LRRTM4: variants seen among roughly 807,000 people sequenced by gnomAD.
LRRTM4 encodes leucine-rich repeat transmembrane neuronal protein 4.
Under a neutral mutation model 47.6 loss-of-function variants are expected in LRRTM4, and 25 were observed. The ratio of observed to expected loss-of-function variants is 0.53; its 90% CI spans 0.38 to 0.73. The LOEUF (loss-of-function observed/expected upper bound fraction) is 0.73. Among genes scored for constraint, LRRTM4 ranks in the 30% least tolerant of loss-of-function variants. The pLI is 0.00. For missense variants in LRRTM4, 638 were observed against 713.4 expected, an observed-to-expected ratio of 0.89 and a Z score of 1.20; for synonymous variants, 311 against 269.5, an observed-to-expected ratio of 1.15 and a Z score of -1.51.
At position 77,521,837 on chromosome 2, in the gene LRRTM4, C is replaced by CAA. The variant is rs5832290; in HGVS notation, c.-147-21_-147-20dup. On this transcript the variant is annotated intron_variant, in intron 1 of 3. Transcript: ENST00000409884. ...ATACAAACTTCCCCGAGAGGACAGG[C>CAA]AAAAAAAAAAAAAAAAAATACATAT... The CAA allele has an allele frequency of 0.09, 13,991 of 155,544 alleles. 917 individuals carry two copies. The highest frequency in any genetic ancestry group is 0.12 in the African/African-American group (2,626 of 22,350). The allele number at this position is 155,544 out of a possible 1,614,324, so 9.6% of individuals were successfully genotyped here.
At chr2:77,412,257 T>A (rs1674472600) in intron 3 of LRRTM4, among the ~76,000 whole-genome samples, 1 of 152,210 alleles carries the variant, frequency 6.6e-6, no homozygotes, top group Non-Finnish European at 1.5e-5. Flanking sequence ...CGCAGTACAA[T>A]CAAGATTCTA....
chr2:77,146,797 T>C lies in LRRTM4; in HGVS notation c.1551+371521A>G, dbSNP rs574641953. On this transcript the variant is annotated intron_variant, in intron 3 of 3. Coordinates refer to ENST00000409884, the MANE Select transcript of LRRTM4 (RefSeq NM_001134745.3). ...TTAAATTAATCTTAAATAATTTCATTTTCACAGTGAAGCAACTTATGCAGA... is the reference window on the plus strand; with the variant it reads ...TTAAATTAATCTTAAATAATTTCATCTTCACAGTGAAGCAACTTATGCAGA... 8.5e-5 allele frequency among the ~76,000 whole-genome samples: 13 copies of C among 152,244 alleles called. No individual in the cohort carries two copies. The East Asian group carries it at 2.5e-3, about 29-fold the overall frequency.
chr2:77,198,266 C>CA (rs1204202683), intron 3 of LRRTM4, among the ~76,000 whole-genome samples: 3 of 152,152 alleles, frequency 2.0e-5, no homozygotes, highest in African/African-American at 7.2e-5. Flanking sequence ...CTGGGCGTGA[C>CA]ACATGTCATA....
chr2:76,811,189 T>G (rs574903490), intron 3 of LRRTM4, among the ~76,000 whole-genome samples: 8 of 152,170 alleles, frequency 5.3e-5, no homozygotes, highest in Non-Finnish European at 1.2e-4. Context: ...CTGCAAAAGG[T>G]TATTACTAAC....
intron 3 of LRRTM4, among the ~76,000 whole-genome samples, chr2:77,049,122 T>TATATATATATATATATATA (rs34587249): frequency 9.6e-5 from 6 of 62,680 alleles, no homozygotes; most frequent in African/African-American, 2.6e-4. Flanking sequence ...ATTTCATTTT[T>TATATATATATATATATATA]TATATATATA....
intron 3 of LRRTM4, among the ~76,000 whole-genome samples, chr2:77,483,582 C>T (rs1228156473): frequency 2.6e-5 from 4 of 152,194 alleles, no homozygotes; most frequent in Non-Finnish European, 4.4e-5. Context: ...CTCAGGTGAT[C>T]TACCCGTCTC....
At chr2:77,348,293 T>TAATAC (rs764080138) in intron 3 of LRRTM4, among the ~76,000 whole-genome samples, 1 of 151,724 alleles carries the variant, frequency 6.6e-6, no homozygotes, top group Non-Finnish European at 1.5e-5. Context: ...AAGGTTTTCA[T>TAATAC]AATACAATAC....
At chr2:77,382,975 A>C (rs569824328) in intron 3 of LRRTM4, among the ~76,000 whole-genome samples, 7 of 152,222 alleles carry the variant, frequency 4.6e-5, no homozygotes, top group South Asian at 4.1e-4. Flanking sequence ...ATGCAGATTC[A>C]GAGCTGCTGG....
intron 3 of LRRTM4, among the ~76,000 whole-genome samples, chr2:77,121,584 G>A (rs1049952951): frequency 1.3e-5 from 2 of 151,772 alleles, no homozygotes; most frequent in African/African-American, 4.8e-5. Context: ...ATATAAAACT[G>A]AAATAGTTCA....
intron 3 of LRRTM4, among the ~76,000 whole-genome samples, chr2:77,354,469 C>T (rs542250125): frequency 6.6e-6 from 1 of 152,174 alleles, no homozygotes; most frequent in Admixed American, 6.5e-5. Context: ...GTTTGAGTAG[C>T]ATATTTCAAA....
chr2:76,821,683 G>T (rs552298412), intron 3 of LRRTM4, among the ~76,000 whole-genome samples: 1 of 151,646 alleles, frequency 6.6e-6, no homozygotes, highest in African/African-American at 2.4e-5. Flanking sequence ...TAAATGCTTT[G>T]GTATTAACTG....
intron 3 of LRRTM4, among the ~76,000 whole-genome samples, chr2:77,248,350 T>C (rs1675506253): frequency 6.6e-6 from 1 of 151,886 alleles, no homozygotes; most frequent in Admixed American, 6.6e-5. Context: ...ACAAAGCATG[T>C]ACAAGATGTG....
chr2:76,976,531 C>G (rs986822593), intron 3 of LRRTM4, among the ~76,000 whole-genome samples: 10 of 151,724 alleles, frequency 6.6e-5, no homozygotes, highest in African/African-American at 2.4e-4. Context: ...CCTCATTAGT[C>G]TCTCTTTTTA....
intron 3 of LRRTM4, among the ~76,000 whole-genome samples, chr2:77,357,181 C>G (rs942733365): frequency 5.3e-5 from 8 of 152,028 alleles, no homozygotes; most frequent in African/African-American, 1.7e-4. Context: ...TTTAAATCGA[C>G]TTCATTTTTG....
intron 3 of LRRTM4, among the ~76,000 whole-genome samples, chr2:77,167,594 T>C (rs889316600): frequency 1.6e-4 from 24 of 152,114 alleles, no homozygotes; most frequent in Non-Finnish European, 2.9e-4. Context: ...AAATGTGGCA[T>C]ATATACACCA....
intron 3 of LRRTM4, among the ~76,000 whole-genome samples, chr2:77,039,253 C>CTG (rs923766621): frequency 2.0e-5 from 3 of 150,590 alleles, no homozygotes; most frequent in African/African-American, 7.3e-5. Context: ...TAGATACAGG[C>CTG]TGTAAGTCTG....
chr2:77,041,118 T>C (rs1679017899), intron 3 of LRRTM4, among the ~76,000 whole-genome samples: 1 of 151,552 alleles, frequency 6.6e-6, no homozygotes. Context: ...AATCTCCTGC[T>C]TTCTACTTCT....
intron 3 of LRRTM4, among the ~76,000 whole-genome samples, chr2:77,116,962 C>T (rs1453710445): frequency 6.6e-6 from 1 of 152,034 alleles, no homozygotes; most frequent in African/African-American, 2.4e-5. Context: ...TATACACACA[C>T]ACATGCACAC....
chr2:76,898,204 G>T (rs925126884), intron 3 of LRRTM4, among the ~76,000 whole-genome samples: 2 of 147,498 alleles, frequency 1.4e-5, no homozygotes, highest in Non-Finnish European at 3.0e-5. Flanking sequence ...CTATGTACTT[G>T]CTTTTAAATT....
Sources: gnomAD v4.1 joint callset for allele counts (sites outside exome capture counted in the v4.1 genomes callset) on GRCh38, gnomAD v4.1.1 for gene constraint, MANE v1.5 for transcripts, NCBI Gene and HGNC (gene_info 2026-07-23, HGNC 2026-07-21) for gene names.